PIK3C3: variants seen among roughly 807,000 people sequenced by gnomAD.
PIK3C3 encodes PI3-kinase type 3.
Under a neutral mutation model 126.1 loss-of-function variants are expected in PIK3C3, and 95 were observed. That is an observed-to-expected ratio of 0.75 (90% CI 0.64 to 0.89). PIK3C3 has a LOEUF of 0.89. Ranked by LOEUF, PIK3C3 falls within the 40% of genes least tolerant of loss-of-function variation. PIK3C3 has a pLI of 0.00. For synonymous variants in PIK3C3, 374 were observed against 360.0 expected (o/e 1.04, Z -0.44); for missense variants, 829 against 1,063.2 (o/e 0.78, Z 3.06).
rs373795900 is a variant in PIK3C3 at position 41,957,648 on chromosome 18, A to C, written c.147A>C (p.Leu49=). Residue 49 remains leucine (L), a synonymous_variant, in exon 2 of 25, where the codon CTA becomes CTC. Coordinates refer to ENST00000262039, the MANE Select transcript of PIK3C3 (RefSeq NM_002647.4). The stretch of plus-strand genomic sequence containing the variant: ...ACCCAATGTTGAAGTTCTCAGGACT[A>C]TATCAAGAGACATGCTCTGATCTTT... ...LEDPMLKFSG[L]YQETCSDLYV... 5.5e-5 allele frequency: 88 copies of C among 1,613,826 alleles called. 1 individual carries two copies. In the South Asian group the frequency reaches 9.4e-4, roughly 17 times the overall value.
intron 22 of PIK3C3, among the ~76,000 whole-genome samples, chr18:42,063,027 A>G (rs905990424): frequency 1.3e-5 from 2 of 152,138 alleles, no homozygotes; most frequent in Non-Finnish European, 2.9e-5. Flanking sequence ...CTCTACTTTG[A>G]TTCTTACTCC....
At chr18:42,016,397 A>G (rs1297620188) in intron 12 of PIK3C3, among the ~76,000 whole-genome samples, 1 of 152,172 alleles carries the variant, frequency 6.6e-6, no homozygotes, top group Non-Finnish European at 1.5e-5. Context: ...TTTCCCTTTC[A>G]GAGCTAAGAT....
At chr18:42,021,769 A>G (rs1190787481) in intron 13 of PIK3C3, among the ~76,000 whole-genome samples, 2 of 152,292 alleles carry the variant, frequency 1.3e-5, no homozygotes, top group African/African-American at 4.8e-5. Flanking sequence ...CCAAAACTCT[A>G]TGATCATTGA....
chr18:42,031,223 A>C lies in PIK3C3; in HGVS notation c.1707+1782A>C, dbSNP rs191589299. On this transcript the variant is annotated intron_variant, in intron 15 of 24. Coordinates refer to ENST00000262039, the MANE Select transcript of PIK3C3 (RefSeq NM_002647.4). ...CATATGTAGCACTTTTTCATCCCTC[A>C]TAATTTATTTGCGAGAGCTATATCA... Among the ~76,000 whole-genome samples the C allele has an allele frequency of 1.2e-3, 179 of 152,288 alleles. 1 individual carries two copies. The Middle Eastern group carries it at 0.02, about 17-fold the overall frequency.
chr18:41,982,037 T>C (rs1448750457), intron 4 of PIK3C3, among the ~76,000 whole-genome samples: 5 of 152,122 alleles, frequency 3.3e-5, no homozygotes, highest in African/African-American at 1.2e-4. Context: ...CTTATTGTCT[T>C]TTTTTGAAGA....
At chr18:42,075,555 C>T (rs193271238) in intron 24 of PIK3C3, among the ~76,000 whole-genome samples, 60 of 151,912 alleles carry the variant, frequency 3.9e-4, no homozygotes, top group Admixed American at 8.5e-4. Flanking sequence ...ATTCTCACAC[C>T]TGTGAAGTAA....
At position 42,079,998 on chromosome 18, in the gene PIK3C3, A is replaced by AGTGT. The variant is rs71174081; in HGVS notation, c.2650-1098_2650-1095dup. ...GTGTGTGTGTGTATGTAAGAGAGAGAGTGTGTGTGTGTGTGTGTGTGTGTG... is the reference window on the plus strand; with the variant it reads ...GTGTGTGTGTGTATGTAAGAGAGAGAGTGTGTGTGTGTGTGTGTGTGTGTGTGTG... On this transcript the variant is annotated intron_variant, in intron 24 of 24. Coordinates refer to ENST00000262039, the MANE Select transcript of PIK3C3 (RefSeq NM_002647.4). Among the ~76,000 whole-genome samples the AGTGT allele has an allele frequency of 4.2e-3, 584 of 137,412 alleles. 5 individuals carry two copies. Among genetic ancestry groups the AGTGT allele is most frequent in the Middle Eastern group, 0.012 (3 of 252 alleles). 90.1% of individuals were successfully genotyped at this position (137,412 alleles called of 152,430 possible). A position where few individuals can be genotyped will look rare whatever the true frequency, so the allele number is the denominator to read the frequency against.
Position 42,029,534 on chromosome 18 carries a change from ATTTTTTTTTT to A in PIK3C3, c.1707+112_1707+121del, listed in dbSNP as rs57593886. The A allele has an allele frequency of 2.3e-3, 495 of 212,744 alleles. 2 individuals carry two copies. Among genetic ancestry groups the A allele is most frequent in the Middle Eastern group, 5.6e-3 (4 of 710 alleles). The allele number at this position is 212,744 out of a possible 1,614,324, so 13.2% of individuals were successfully genotyped here. ...ATTGTCTTTTTGGGTTGATACGTGA[ATTTTTTTTTT>A]TTTTTTTTTTTTTTTTTTGACAATG... On this transcript the variant is annotated intron_variant, in intron 15 of 24. Transcript: ENST00000262039.
chr18:42,055,166 G>A (rs537160505), intron 21 of PIK3C3, among the ~76,000 whole-genome samples: 22 of 152,140 alleles, frequency 1.4e-4, no homozygotes, highest in African/African-American at 5.3e-4. Context: ...GAGGTAATGA[G>A]TGAGCTCTTC....
chr18:42,003,383 C>T (rs1174847697), intron 9 of PIK3C3, among the ~76,000 whole-genome samples: 1 of 152,054 alleles, frequency 6.6e-6, no homozygotes, highest in African/African-American at 2.4e-5. Context: ...GAAAGTGTTG[C>T]CTTTGAGACC....
intron 4 of PIK3C3, among the ~76,000 whole-genome samples, chr18:41,983,952 CTTT>C (rs533824517): frequency 1.4e-5 from 2 of 139,054 alleles, no homozygotes; most frequent in Non-Finnish European, 1.6e-5. Context: ...TAAATTATGC[CTTT>C]TTTTTTTTTT....
intron 4 of PIK3C3, among the ~76,000 whole-genome samples, chr18:41,974,080 A>G (rs1046168647): frequency 4.6e-5 from 7 of 152,196 alleles, no homozygotes; most frequent in African/African-American, 1.7e-4. Flanking sequence ...AAACTGCAGT[A>G]TGAGAGAGTT....
chr18:42,054,483 T>C (rs1318756080), intron 21 of PIK3C3, among the ~76,000 whole-genome samples: 1 of 151,888 alleles, frequency 6.6e-6, no homozygotes, highest in African/African-American at 2.4e-5. Flanking sequence ...ACTCAAATAT[T>C]AATCTCCTTT....
chr18:42,006,860 C>CTTTTTTT (rs71265065), intron 10 of PIK3C3, among the ~76,000 whole-genome samples: 54 of 102,274 alleles, frequency 5.3e-4, no homozygotes, highest in Middle Eastern at 0.013. Flanking sequence ...AAATCATATT[C>CTTTTTTT]TTTTTTTTTT....
At chr18:41,968,629 G>A (rs1461555679) in intron 3 of PIK3C3, among the ~76,000 whole-genome samples, 3 of 152,076 alleles carry the variant, frequency 2.0e-5, no homozygotes, top group Non-Finnish European at 2.9e-5. Context: ...GTTTGTAGCT[G>A]TCTTTTATAG....
At chr18:41,993,123 T>C in intron 6 of PIK3C3, 147 bp from the exon 7 acceptor site, 1 of 505,068 alleles carries the variant, frequency 2.0e-6, no homozygotes, top group South Asian at 3.2e-5. Context: ...ATGCATTTTA[T>C]AATATTGTTA....
At chr18:42,026,702 AC>A (rs1983586835) in intron 13 of PIK3C3, 1 of 151,776 alleles carries the variant, frequency 6.6e-6, no homozygotes. Flanking sequence ...CTCCCAAAAC[AC>A]TGGGATTATA....
At chr18:42,003,354 A>G (rs1982384466) in intron 9 of PIK3C3, among the ~76,000 whole-genome samples, 1 of 152,162 alleles carries the variant, frequency 6.6e-6, no homozygotes, top group Admixed American at 6.5e-5. Context: ...GAAGAAGAAA[A>G]CATCTTGGGT....
chr18:41,976,450 T>G (rs1980929143), intron 4 of PIK3C3, among the ~76,000 whole-genome samples: 2 of 152,178 alleles, frequency 1.3e-5, no homozygotes, highest in Non-Finnish European at 2.9e-5. Context: ...ACATTTATAA[T>G]CACCTTGTAT....
Sources: gnomAD v4.1 joint callset for allele counts (sites outside exome capture counted in the v4.1 genomes callset) on GRCh38, gnomAD v4.1.1 for gene constraint, MANE v1.5 for transcripts, NCBI Gene and HGNC (gene_info 2026-07-23, HGNC 2026-07-21) for gene names.